OPRM1: variants seen among roughly 807,000 people sequenced by gnomAD.
OPRM1 encodes the protein mu-type opioid receptor.
In OPRM1, 27 loss-of-function variants were observed where a neutral mutation model predicts 31.8. The ratio of observed to expected loss-of-function variants is 0.85; its 90% CI spans 0.63 to 1.17. The LOEUF (loss-of-function observed/expected upper bound fraction) is 1.17, where lower values mean the gene tolerates loss of function less well. Among genes scored for constraint, OPRM1 ranks in the 50% most tolerant of loss-of-function variants. The pLI, the probability that OPRM1 is intolerant of heterozygous loss-of-function variation, is 0.00. For missense variants in OPRM1, 536 were observed against 511.1 expected, an observed-to-expected ratio of 1.05 and a Z score of -0.47; for synonymous variants, 196 against 189.9, an observed-to-expected ratio of 1.03 and a Z score of -0.26.
chr6:154,119,869 G>T lies in OPRM1; in HGVS notation c.*1148G>T, dbSNP rs1797205983. 6.6e-6 allele frequency among the ~76,000 whole-genome samples: 1 copy of T among 152,174 alleles called. No individual in the cohort carries two copies. The highest frequency in any genetic ancestry group is 6.5e-5 in the Admixed American group (1 of 15,270). ...TTCCTGAAGATTGTGTTTATATAATGTCATCACCAATATTTTGGTCTTTTT... is the reference window on the plus strand; with the variant it reads ...TTCCTGAAGATTGTGTTTATATAATTTCATCACCAATATTTTGGTCTTTTT... On this transcript the variant is annotated 3_prime_UTR_variant, in exon 4 of 4. Coordinates refer to ENST00000330432, the MANE Select transcript of OPRM1 (RefSeq NM_000914.5).
At chr6:154,222,957 T>G in intron 3 of OPRM1, 3 of 577,086 alleles carry the variant, frequency 5.2e-6, no homozygotes, top group Non-Finnish European at 9.3e-6. Flanking sequence ...TTCGTGGGGG[T>G]TTTAAAATCC....
At chr6:154,089,666 T>C (rs1256749185) in intron 1 of OPRM1, 160 bp from the exon 2 acceptor site, 1 of 602,548 alleles carries the variant, frequency 1.7e-6, no homozygotes, top group African/African-American at 1.9e-5. Context: ...GGTACATCAT[T>C]GACATCATTG....
chr6:154,142,815 G>A (rs1463228991), intron 3 of OPRM1, among the ~76,000 whole-genome samples: 2 of 152,278 alleles, frequency 1.3e-5, no homozygotes, highest in East Asian at 3.9e-4. Flanking sequence ...CCCTCCACTA[G>A]CTCGGATACC....
Position 154,190,576 on chromosome 6 carries a change from C to T in OPRM1, c.1165-56117C>T, listed in dbSNP as rs188164764. Among the ~76,000 whole-genome samples the T allele has an allele frequency of 2.6e-5, 4 of 152,280 alleles. No individual in the cohort carries two copies. The East Asian group carries it at 7.7e-4, about 29-fold the overall frequency. ...TTGATGGTGGGAATGCAAAATGGTA[C>T]AGCCACTTTGCAAGACAGTTTGGCA... is the stretch of plus-strand genomic sequence containing the variant. On this transcript the variant is annotated intron_variant, in intron 3 of 3. Coordinates refer to the OPRM1 transcript ENST00000337049.
rs1350516900 is a variant in OPRM1 at position 154,126,940 on chromosome 6, T to A, written c.*8219T>A. Among the ~76,000 whole-genome samples, 1 of 152,038 alleles carries A rather than the reference T, an allele frequency of 6.6e-6. No individual in the cohort carries two copies. Among genetic ancestry groups the A allele is most frequent in the Non-Finnish European group, 1.5e-5 (1 of 68,012 alleles). On this transcript the variant is annotated 3_prime_UTR_variant, in exon 4 of 4. Coordinates refer to ENST00000330432, the MANE Select transcript of OPRM1 (RefSeq NM_000914.5). ...TCCTGGCCAATATGGTAAAACCCCA[T>A]CTCTACTAAAAATACAAAATTAGGA...
At chr6:154,070,769 G>A (rs1786533680) in intron 1 of OPRM1, among the ~76,000 whole-genome samples, 1 of 152,044 alleles carries the variant, frequency 6.6e-6, no homozygotes, top group Non-Finnish European at 1.5e-5. Context: ...TCCTAACTTG[G>A]TTAAGAAGCC....
At chr6:154,146,138 G>A (rs549260421) in intron 3 of OPRM1, among the ~76,000 whole-genome samples, 8 of 152,340 alleles carry the variant, frequency 5.3e-5, no homozygotes, top group Non-Finnish European at 8.8e-5. Flanking sequence ...AGTGGCTCAC[G>A]CCTGTAATCC....
intron 3 of OPRM1, among the ~76,000 whole-genome samples, chr6:154,204,596 T>C (rs1446875340): frequency 6.6e-6 from 1 of 152,182 alleles, no homozygotes; most frequent in Non-Finnish European, 1.5e-5. Context: ...ACCTTCTGCA[T>C]GACCTTGGGC....
intron 1 of OPRM1, among the ~76,000 whole-genome samples, chr6:154,012,265 G>A (rs1777771007): frequency 6.6e-6 from 1 of 152,154 alleles, no homozygotes; most frequent in South Asian, 2.1e-4. Flanking sequence ...TCTAATCACT[G>A]TTATAATAGA....
At chr6:154,144,703 G>A (rs556169634) in intron 3 of OPRM1, among the ~76,000 whole-genome samples, 45 of 141,792 alleles carry the variant, frequency 3.2e-4, no homozygotes, top group Admixed American at 3.0e-4. Context: ...AGCCGAGATC[G>A]CGCCATTGCA....
chr6:154,238,428 T>TAC (rs1491533362), intron 3 of OPRM1, among the ~76,000 whole-genome samples: 1 of 146,416 alleles, frequency 6.8e-6, no homozygotes, highest in Non-Finnish European at 1.5e-5. Flanking sequence ...GCTAATTTTG[T>TAC]ATATATATAT....
intron 1 of OPRM1, among the ~76,000 whole-genome samples, chr6:154,065,189 C>T (rs1241983365): frequency 6.9e-6 from 1 of 145,768 alleles, no homozygotes; most frequent in Non-Finnish European, 1.5e-5. Context: ...CTCACTCTGT[C>T]ACCACACTGG....
intron 3 of OPRM1, among the ~76,000 whole-genome samples, chr6:154,096,428 G>A (rs1268019567): frequency 6.6e-6 from 1 of 152,078 alleles, no homozygotes; most frequent in Admixed American, 6.5e-5. Flanking sequence ...GGGGAAAAAA[G>A]CAACACTGTT....
At chr6:154,025,122 A>G (rs376519912) in intron 1 of OPRM1, among the ~76,000 whole-genome samples, 1 of 152,034 alleles carries the variant, frequency 6.6e-6, no homozygotes, top group Admixed American at 6.6e-5. Context: ...TTGGCTTTTG[A>G]AGTCTCCAGC....
At chr6:154,021,165 A>G (rs964200353) in intron 1 of OPRM1, among the ~76,000 whole-genome samples, 32 of 152,156 alleles carry the variant, frequency 2.1e-4, no homozygotes, top group African/African-American at 7.5e-4. Context: ...GTCTAGATTC[A>G]TCTTTTTGCG....
At chr6:154,242,804 C>A (rs1262868817) in intron 3 of OPRM1, among the ~76,000 whole-genome samples, 1 of 152,080 alleles carries the variant, frequency 6.6e-6, no homozygotes, top group Non-Finnish European at 1.5e-5. Context: ...ATGAGAATCG[C>A]TTGATCCTGG....
intron 3 of OPRM1, among the ~76,000 whole-genome samples, chr6:154,233,535 C>T (rs552961270): frequency 6.6e-6 from 1 of 151,832 alleles, no homozygotes; most frequent in East Asian, 1.9e-4. Flanking sequence ...ACATAGACAA[C>T]ATTTGGTAAA....
At chr6:154,137,334 C>G (rs1343681431), downstream of OPRM1, among the ~76,000 whole-genome samples, 1 of 152,124 alleles carries the variant, frequency 6.6e-6, no homozygotes, top group South Asian at 2.1e-4. Flanking sequence ...TAAAATGTAT[C>G]TGTTACCTCT....
At chr6:154,134,305 G>A (rs1359850997), downstream of OPRM1, among the ~76,000 whole-genome samples, 2 of 152,190 alleles carry the variant, frequency 1.3e-5, no homozygotes, top group Non-Finnish European at 2.9e-5. Context: ...GCAGGAGAGA[G>A]ACCTCACCAT....
Sources: gnomAD v4.1 joint callset for allele counts (sites outside exome capture counted in the v4.1 genomes callset) on GRCh38, gnomAD v4.1.1 for gene constraint, MANE v1.5 for transcripts, NCBI Gene and HGNC (gene_info 2026-07-23, HGNC 2026-07-21) for gene names.